Variants in ATP11C observed in about 807,000 individuals in gnomAD.
The protein encoded by ATP11C is ATPase phospholipid transporting 11C (ATP11C blood group).
In ATP11C, 36 loss-of-function variants were observed where a neutral mutation model predicts 97.4. That is an observed-to-expected ratio of 0.37 (90% CI 0.28 to 0.49). ATP11C has a LOEUF of 0.49. Among genes scored for constraint, ATP11C ranks in the 20% least tolerant of loss-of-function variants. The pLI, the probability that ATP11C is intolerant of heterozygous loss-of-function variation, is 0.98. For synonymous variants in ATP11C, 275 were observed against 290.9 expected (o/e 0.95, Z 0.56); for missense variants, 730 against 824.6 (o/e 0.89, Z 1.40).
At chrX:139,768,188 A>T (rs181619296) in intron 20 of ATP11C, 72 bp downstream of exon 20, 74 of 816,945 alleles carry the variant, frequency 9.1e-5, no homozygotes, top group Admixed American at 6.3e-4. Flanking sequence ...ATAATTTTTT[A>T]AAAAAATAAA....
At chrX:139,830,993 A>T (rs949322926) in intron 1 of ATP11C, among the ~76,000 whole-genome samples, 6 of 111,315 alleles carry the variant, frequency 5.4e-5, no homozygotes, top group African/African-American at 2.0e-4. Context: ...AATAACTACA[A>T]TGTATTCGGT....
At chrX:139,812,208 A>T (rs2083190399) in intron 5 of ATP11C, among the ~76,000 whole-genome samples, 1 of 111,988 alleles carries the variant, frequency 8.9e-6, no homozygotes, top group Non-Finnish European at 1.9e-5. Context: ...CTGGCTAATA[A>T]GCATCTCTTC....
At chrX:139,907,275 C>G (rs1333195068) in intron 1 of ATP11C, among the ~76,000 whole-genome samples, 1 of 111,767 alleles carries the variant, frequency 8.9e-6, no homozygotes, top group Non-Finnish European at 1.9e-5. Flanking sequence ...GGGAGGGCCA[C>G]ATGACTAAGA....
chrX:139,824,134 A>AG (rs1380661414), intron 2 of ATP11C, among the ~76,000 whole-genome samples: 1 of 108,517 alleles, frequency 9.2e-6, no homozygotes, highest in East Asian at 2.8e-4. Flanking sequence ...AAAAAAAAAA[A>AG]AAAAAAAATT....
upstream of ATP11C, among the ~76,000 whole-genome samples, chrX:139,934,235 C>CG (rs967072580): frequency 9.0e-6 from 1 of 111,668 alleles, no homozygotes; most frequent in Non-Finnish European, 1.9e-5. Context: ...AAACATGTTA[C>CG]GAAGTTTGAA....
intron 1 of ATP11C, among the ~76,000 whole-genome samples, chrX:139,929,376 T>TA (rs1487596100): frequency 8.9e-6 from 1 of 112,137 alleles, no homozygotes; most frequent in Non-Finnish European, 1.9e-5. Flanking sequence ...ACCATGTATT[T>TA]AAAAAAATAC....
chrX:139,817,518 C>T (rs746304696), intron 3 of ATP11C, among the ~76,000 whole-genome samples: 12 of 112,471 alleles, frequency 1.1e-4, no homozygotes, highest in African/African-American at 3.5e-4. Context: ...GCCCTCTAGG[C>T]CAAAGTAAGC....
intron 2 of ATP11C, among the ~76,000 whole-genome samples, chrX:139,825,335 C>A (rs892115295): frequency 9.0e-6 from 1 of 111,477 alleles, no homozygotes; most frequent in Non-Finnish European, 1.9e-5. Context: ...ATTTCTCTGG[C>A]CTTAACCTCT....
In ATP11C at chrX:139,796,398, C is replaced by T; in HGVS notation, c.1081G>A (p.Val361Ile). The part of the protein sequence containing the change: ...FNFIIPVSMY[V>I]TVEMQKFLGS... ...AAGAATTTCTGCATTTCTACTGTGA[C>T]GTACATGGAGACAGGAATGATAAAG... Residue 361 changes from valine (V) to isoleucine (I), a missense_variant, in exon 12 of 30, where the codon GTC (valine) becomes ATC (isoleucine). Val to Ile is a conservative substitution (Grantham distance 29). Coordinates refer to ENST00000682941, the MANE Select transcript of ATP11C (RefSeq NM_001353812.2). 1 of 1,204,521 alleles carries T rather than the reference C, an allele frequency of 8.3e-7. No individual in the cohort carries two copies. The highest frequency in any genetic ancestry group is 1.1e-6 in the Non-Finnish European group (1 of 889,601).
chrX:139,897,862 G>T (rs2148094218), intron 1 of ATP11C, among the ~76,000 whole-genome samples: 1 of 106,716 alleles, frequency 9.4e-6, no homozygotes, highest in African/African-American at 3.4e-5. Context: ...GAACGGGGAA[G>T]TCAAGGCTGC....
chrX:139,855,126 T>A (rs1412864193), intron 1 of ATP11C, among the ~76,000 whole-genome samples: 1 of 111,820 alleles, frequency 8.9e-6, no homozygotes, highest in Admixed American at 9.5e-5. Flanking sequence ...GGTATAAAAA[T>A]AATACAGGAA....
intron 1 of ATP11C, among the ~76,000 whole-genome samples, chrX:139,831,916 C>A (rs1314936934): frequency 9.0e-6 from 1 of 110,755 alleles, no homozygotes; most frequent in Admixed American, 9.7e-5. Flanking sequence ...TCACCCTACC[C>A]ATCTCTACAC....
In ATP11C at chrX:139,727,139, A is replaced by G. The variant is rs756770709; in HGVS notation, c.*1827T>C. 1 of 112,376 alleles carries G rather than the reference A, an allele frequency of 8.9e-6. No homozygotes were observed. Among genetic ancestry groups the G allele is most frequent in the East Asian group, 2.8e-4 (1 of 3,565 alleles). 9.3% of individuals were successfully genotyped at this position (112,376 alleles called of 1,213,427 possible). A position where few individuals can be genotyped will look rare whatever the true frequency, so the allele number is the denominator to read the frequency against. Reference sequence around the variant, plus strand: ...GTTAACTCTCCAATGGTACTGCATTAAACAAGCCTCTCTACTGTGGCTCTC... The same window carrying G: ...GTTAACTCTCCAATGGTACTGCATTGAACAAGCCTCTCTACTGTGGCTCTC... On this transcript the variant is annotated 3_prime_UTR_variant, in exon 30 of 30. Coordinates refer to ENST00000682941, the MANE Select transcript of ATP11C (RefSeq NM_001353812.2).
At chrX:139,744,127 C>T (rs1438823235) in intron 25 of ATP11C, among the ~76,000 whole-genome samples, 5 of 110,044 alleles carry the variant, frequency 4.5e-5, no homozygotes, top group Admixed American at 3.9e-4. Flanking sequence ...AAAAAAAAAG[C>T]AGATACCATG....
At chrX:139,928,824 T>C (rs1286418373) in intron 1 of ATP11C, among the ~76,000 whole-genome samples, 1 of 112,002 alleles carries the variant, frequency 8.9e-6, no homozygotes, top group Non-Finnish European at 1.9e-5. Flanking sequence ...AATGCATACC[T>C]GTTAACTATC....
Position 139,728,171 on chromosome X carries a change from T to C in ATP11C, c.*795A>G, listed in dbSNP as rs1192758011. On this transcript the variant is annotated 3_prime_UTR_variant, in exon 30 of 30. Coordinates refer to ENST00000682941, the MANE Select transcript of ATP11C (RefSeq NM_001353812.2). ...ACACTGGAAAAATCTGTTTATTTTC[T>C]AACTACTTTGAGGGGCTACTAAGTG... The C allele has an allele frequency of 1.8e-5, 2 of 112,120 alleles. No individual in the cohort carries two copies. The highest frequency in any genetic ancestry group is 3.8e-5 in the Non-Finnish European group (2 of 53,108). 9.2% of individuals were successfully genotyped at this position (112,120 alleles called of 1,213,427 possible).
intron 28 of ATP11C, among the ~76,000 whole-genome samples, chrX:139,733,484 A>C (rs1248636249): frequency 8.9e-6 from 1 of 112,439 alleles, no homozygotes; most frequent in Non-Finnish European, 1.9e-5. Context: ...TAAACAATTA[A>C]ACTTTCAAAG....
intron 22 of ATP11C, 130 bp downstream of exon 22, chrX:139,761,831 G>A (rs1275820989): frequency 2.2e-6 from 1 of 463,712 alleles, no homozygotes; most frequent in East Asian, 4.2e-5. Context: ...CCTCTGCTTT[G>A]TTGACTGCAA....
chrX:139,893,961 G>A (rs5953812), intron 1 of ATP11C, among the ~76,000 whole-genome samples: 6,401 of 109,303 alleles, frequency 0.059, 450 homozygotes, highest in African/African-American at 0.2. Flanking sequence ...CAGAAAATCT[G>A]CTCTTTCCAT....
Sources: gnomAD v4.1 joint callset for allele counts (sites outside exome capture counted in the v4.1 genomes callset) on GRCh38, gnomAD v4.1.1 for gene constraint, MANE v1.5 for transcripts, NCBI Gene and HGNC (gene_info 2026-07-23, HGNC 2026-07-21) for gene names.